CCNI: variants seen among roughly 807,000 people sequenced by gnomAD.
CCNI encodes cyclin I.
Under a neutral mutation model 34.1 loss-of-function variants are expected in CCNI, and 14 were observed. That is an observed-to-expected ratio of 0.41 (90% CI 0.27 to 0.64). The LOEUF (loss-of-function observed/expected upper bound fraction) is 0.64, where lower values mean the gene tolerates loss of function less well. CCNI is among the 30% of genes least tolerant of loss of function. The probability of loss-of-function intolerance (pLI) is 0.31; values close to 1 mark genes in which losing one functional copy is unlikely to be tolerated. For synonymous variants in CCNI, 154 were observed against 158.4 expected, an observed-to-expected ratio of 0.97 and a Z score of 0.21; for missense variants, 385 against 440.5, an observed-to-expected ratio of 0.87 and a Z score of 1.13.
At position 77,072,657 on chromosome 4, in the gene CCNI, A is replaced by G. The variant is rs868800756; in HGVS notation, c.-44+2815T>C. ...ATCTCTTAAAAAAAAAAAAAAAAAA[A>G]AAAAGAAAAGAAACGAAACTGCAAT... On this transcript the variant is annotated intron_variant, in intron 1 of 6. Transcript: ENST00000237654. Among the ~76,000 whole-genome samples the G allele has an allele frequency of 1.4e-3, 201 of 147,012 alleles. 3 individuals are homozygous for G. Among genetic ancestry groups the G allele is most frequent in the South Asian group, 0.011 (51 of 4,714 alleles).
intron 2 of CCNI, among the ~76,000 whole-genome samples, chr4:77,063,347 A>ATT (rs1560779031): frequency 8.5e-5 from 7 of 82,436 alleles, no homozygotes; most frequent in South Asian, 1.0e-3. Flanking sequence ...AGGGAGGTAA[A>ATT]AAAAAAAAAA....
chr4:77,050,839 T>TAAA (rs11384050), intron 6 of CCNI, among the ~76,000 whole-genome samples: 1 of 141,452 alleles, frequency 7.1e-6, no homozygotes. Flanking sequence ...TTAGGAAGCC[T>TAAA]AAAAAAAAAA....
At chr4:77,053,345 C>T (rs757911273) in intron 6 of CCNI, among the ~76,000 whole-genome samples, 12 of 152,068 alleles carry the variant, frequency 7.9e-5, no homozygotes, top group Non-Finnish European at 1.6e-4. Flanking sequence ...AGAAAGTCTC[C>T]AGTTCCCTAC....
intron 2 of CCNI, 111 bp downstream of exon 2, chr4:77,066,138 C>G: frequency 7.1e-6 from 6 of 847,344 alleles, no homozygotes; most frequent in Non-Finnish European, 1.1e-5. Flanking sequence ...AAATACAGCA[C>G]ATCCTTAAAT....
chr4:77,052,537 TG>T (rs1486289843), intron 6 of CCNI, among the ~76,000 whole-genome samples: 9 of 152,102 alleles, frequency 5.9e-5, no homozygotes, highest in African/African-American at 1.9e-4. Context: ...CTTTCAAACC[TG>T]GGAACACTCA....
chr4:77,054,115 T>A (rs1019105352), intron 6 of CCNI, among the ~76,000 whole-genome samples: 1 of 152,080 alleles, frequency 6.6e-6, no homozygotes, highest in Non-Finnish European at 1.5e-5. Context: ...AAAAAAAAAA[T>A]TATTTTTTTG....
intron 3 of CCNI, among the ~76,000 whole-genome samples, chr4:77,057,939 C>T (rs1442990246): frequency 2.0e-5 from 3 of 152,164 alleles, no homozygotes; most frequent in South Asian, 2.1e-4. Context: ...TGATGCTATA[C>T]GGTTTGTGCT....
intron 6 of CCNI, among the ~76,000 whole-genome samples, chr4:77,052,427 GAGAGAA>G (rs1468491386): frequency 1.3e-5 from 2 of 152,124 alleles, no homozygotes; most frequent in Non-Finnish European, 2.9e-5. Context: ...TAAGGCTAAG[GAGAGAA>G]AGAGGTTTAG....
Position 77,075,546 on chromosome 4 carries a change from G to A in CCNI, c.-118C>T, listed in dbSNP as rs1411337868. 2.0e-6 allele frequency: 2 copies of A among 988,480 alleles called. No homozygotes were observed. Among genetic ancestry groups the A allele is most frequent in the Non-Finnish European group, 2.4e-6 (2 of 830,630 alleles). The allele number at this position is 988,480 out of a possible 1,614,324, so 61.2% of individuals were successfully genotyped here. The stretch of plus-strand genomic sequence containing the variant: ...TCACAGTGGTGACGCGGGGTCATCC[G>A]GGGGCCCGTTACCACCTCATTCTCA... On this transcript the variant is annotated 5_prime_UTR_variant, in exon 1 of 7. Transcript: ENST00000237654.
At chr4:77,058,704 T>C (rs1728403915) in intron 2 of CCNI, 69 bp from the exon 3 acceptor site, 1 of 1,401,844 alleles carries the variant, frequency 7.1e-7, no homozygotes, top group African/African-American at 1.4e-5. Flanking sequence ...TTTAGAATTC[T>C]CTCTCATAAA....
In CCNI at chr4:77,075,516, A is replaced by T. The variant is rs1476050291; in HGVS notation, c.-88T>A. 2 of 987,934 alleles carry T rather than the reference A, an allele frequency of 2.0e-6. No homozygotes were observed. The highest frequency in any genetic ancestry group is 2.4e-6 in the Non-Finnish European group (2 of 830,376). The allele number at this position is 987,934 out of a possible 1,614,324, so 61.2% of individuals were successfully genotyped here. A position where few individuals can be genotyped will look rare whatever the true frequency, so the allele number is the denominator to read the frequency against. On this transcript the variant is annotated 5_prime_UTR_variant, in exon 1 of 7. Coordinates refer to ENST00000237654, the MANE Select transcript of CCNI (RefSeq NM_006835.3). ...TCCTCCTCCTCCCCGGCAGAGCTGT[A>T]GGCCTCACAGTGGTGACGCGGGGTC... is the stretch of plus-strand genomic sequence containing the variant.
At chr4:77,048,760 C>T (rs4252947) in intron 6 of CCNI, 98 bp from the exon 7 acceptor site, 12 of 804,786 alleles carry the variant, frequency 1.5e-5, no homozygotes, top group Middle Eastern at 2.5e-4. Context: ...CTGTGCTTTC[C>T]GTCCCCGCTG....
chr4:77,052,743 T>C (rs1363220419), intron 6 of CCNI, among the ~76,000 whole-genome samples: 1 of 152,220 alleles, frequency 6.6e-6, no homozygotes, highest in Non-Finnish European at 1.5e-5. Flanking sequence ...AAATCTGATA[T>C]TGTGGCCTTG....
At chr4:77,059,600 C>G (rs1424957894) in intron 2 of CCNI, among the ~76,000 whole-genome samples, 3 of 151,894 alleles carry the variant, frequency 2.0e-5, no homozygotes, top group Non-Finnish European at 4.4e-5. Context: ...GTAACTTTCA[C>G]TTATTAATAT....
chr4:77,050,815 C>T (rs1457063848), intron 6 of CCNI, among the ~76,000 whole-genome samples: 2 of 150,142 alleles, frequency 1.3e-5, no homozygotes, highest in Non-Finnish European at 3.0e-5. Flanking sequence ...AAGGATGGAG[C>T]TTCTGCCAAT....
At chr4:77,062,628 C>T (rs964098405) in intron 2 of CCNI, among the ~76,000 whole-genome samples, 2 of 152,088 alleles carry the variant, frequency 1.3e-5, no homozygotes, top group Non-Finnish European at 2.9e-5. Flanking sequence ...ATCTAAACTC[C>T]AGTTGAGAAT....
In CCNI at chr4:77,055,389, C is replaced by T. The variant is rs181669085; in HGVS notation, c.460-9G>A. On this transcript the variant is annotated splice_polypyrimidine_tract_variant and intron_variant, in intron 5 of 6. Coordinates refer to ENST00000237654, the MANE Select transcript of CCNI (RefSeq NM_006835.3). ...ACTGCAATGGCATGGAACTGAAAAT[C>T]ACAAGAACATCATTTTAACTTTATT... 1 of 1,546,356 alleles carries T rather than the reference C, an allele frequency of 6.5e-7. No individual in the cohort carries two copies.
rs1331817429 is a variant in CCNI, at chr4:77,075,889, GAA to G, written c.-463_-462del. The G allele has an allele frequency of 1.4e-4, 12 of 84,500 alleles. No homozygotes were observed. The highest frequency in any genetic ancestry group is 5.4e-4 in the Admixed American group (4 of 7,476). 5.2% of individuals were successfully genotyped at this position (84,500 alleles called of 1,614,324 possible). A position where few individuals can be genotyped will look rare whatever the true frequency, so the allele number is the denominator to read the frequency against. On this transcript the variant is annotated 5_prime_UTR_variant, in exon 1 of 7. Transcript: ENST00000237654. ...GGTGAAAGGGGGGGAGGGGAGAAAA[GAA>G]AAGAAAAAAAAAAAAAGAAAGGGGA...
chr4:77,072,626 G>A (rs563649567), intron 1 of CCNI, among the ~76,000 whole-genome samples: 5 of 113,410 alleles, frequency 4.4e-5, no homozygotes, highest in Admixed American at 1.0e-4. Context: ...AACAAAGTGA[G>A]ACCCAATCTC....
Sources: gnomAD v4.1 joint callset for allele counts (sites outside exome capture counted in the v4.1 genomes callset) on GRCh38, gnomAD v4.1.1 for gene constraint, MANE v1.5 for transcripts, NCBI Gene and HGNC (gene_info 2026-07-23, HGNC 2026-07-21) for gene names.